The following PDE1C variants were observed in gnomAD, a reference collection of about 807,000 sequenced individuals.
PDE1C encodes the protein phosphodiesterase 1C, also known as dual specificity calcium/calmodulin-dependent 3',5'-cyclic nucleotide phosphodiesterase 1C.
A neutral mutation model predicts 93.1 loss-of-function variants in PDE1C; 62 were observed. That is an observed-to-expected ratio of 0.67 (90% confidence interval 0.54 to 0.82). The LOEUF is 0.82. Among genes scored for constraint, PDE1C ranks in the 40% least tolerant of loss-of-function variants. The pLI is 0.00. For synonymous variants in PDE1C, 325 were observed against 310.1 expected, an observed-to-expected ratio of 1.05 and a Z score of -0.50; for missense variants, 742 against 884.6, an observed-to-expected ratio of 0.84 and a Z score of 2.04.
chr7:32,383,754 CCTGA>C (rs1784575115), intron 1 of PDE1C, among the ~76,000 whole-genome samples: 1 of 152,120 alleles, frequency 6.6e-6, no homozygotes, highest in African/African-American at 2.4e-5. Flanking sequence ...AAATGACCAA[CCTGA>C]CTTTTACTCA....
chr7:31,636,039 G>T, the PDE1C span, among the ~76,000 whole-genome samples: 2 of 152,152 alleles, frequency 1.3e-5, no homozygotes, highest in Non-Finnish European at 2.9e-5. Flanking sequence ...CTTTTTCACA[G>T]GGCAGCAGGA....
chr7:31,694,501 A>T, the PDE1C span, among the ~76,000 whole-genome samples: 1 of 152,276 alleles, frequency 6.6e-6, no homozygotes, highest in South Asian at 2.1e-4. Context: ...CAGAACTAGA[A>T]AATGATAAGA....
chr7:31,676,098 G>A, the PDE1C span, among the ~76,000 whole-genome samples: 6 of 152,272 alleles, frequency 3.9e-5, no homozygotes, highest in South Asian at 6.2e-4. Flanking sequence ...CAGATGCTCC[G>A]CATGACGGTG....
chr7:32,194,631 A>G (rs1314379049), intron 2 of PDE1C, among the ~76,000 whole-genome samples: 1 of 152,086 alleles, frequency 6.6e-6, no homozygotes, highest in Non-Finnish European at 1.5e-5. Flanking sequence ...CCTTCAATTA[A>G]TGTTTGCATG....
the PDE1C span, among the ~76,000 whole-genome samples, chr7:31,715,245 CT>C: frequency 3.2e-3 from 464 of 146,806 alleles, no homozygotes; most frequent in African/African-American, 0.01. Context: ...GTAAAGGCCT[CT>C]TTTTTTTTTT....
intron 16 of PDE1C, among the ~76,000 whole-genome samples, chr7:31,782,217 A>C (rs895607176): frequency 4.6e-5 from 7 of 152,246 alleles, no homozygotes; most frequent in Admixed American, 2.0e-4. Flanking sequence ...GAAGTTAAAA[A>C]AACACTCACA....
At chr7:32,220,130 G>A (rs1806738555) in intron 1 of PDE1C, among the ~76,000 whole-genome samples, 1 of 151,442 alleles carries the variant, frequency 6.6e-6, no homozygotes, top group South Asian at 2.1e-4. Flanking sequence ...AAATTACCCA[G>A]TCTTGGGTAT....
chr7:31,991,033 T>C (rs1236895093), intron 2 of PDE1C, among the ~76,000 whole-genome samples: 2 of 152,198 alleles, frequency 1.3e-5, no homozygotes, highest in Non-Finnish European at 2.9e-5. Flanking sequence ...GGAACACTAA[T>C]GGAAACATTT....
intron 11 of PDE1C, among the ~76,000 whole-genome samples, chr7:31,832,698 A>G (rs570400578): frequency 6.6e-6 from 1 of 152,334 alleles, no homozygotes; most frequent in East Asian, 1.9e-4. Flanking sequence ...ACTAAAAAAT[A>G]GTTCCAGTCC....
intron 1 of PDE1C, among the ~76,000 whole-genome samples, chr7:32,266,398 G>A (rs559835831): frequency 1.1e-4 from 17 of 151,786 alleles, no homozygotes; most frequent in Admixed American, 4.6e-4. Context: ...CTAGTCGGGA[G>A]GCTGAGGCAG....
chr7:32,084,646 A>G (rs1229454190), intron 3 of PDE1C, among the ~76,000 whole-genome samples: 5 of 151,354 alleles, frequency 3.3e-5, no homozygotes, highest in Non-Finnish European at 5.9e-5. Context: ...AATTATAACA[A>G]ACTGTCTCTC....
chr7:32,368,967 C>A (rs1056079526), intron 1 of PDE1C, among the ~76,000 whole-genome samples: 4 of 152,194 alleles, frequency 2.6e-5, no homozygotes, highest in Middle Eastern at 3.4e-3. Flanking sequence ...ACTAGACCCC[C>A]ATATGTCATC....
intron 1 of PDE1C, among the ~76,000 whole-genome samples, chr7:32,392,485 C>A (rs1784768846): frequency 2.0e-5 from 3 of 151,980 alleles, no homozygotes; most frequent in Admixed American, 2.0e-4. Flanking sequence ...AAAGATATCA[C>A]AAGAAAAGAA....
Position 31,996,916 on chromosome 7 carries a change from A to G in PDE1C, c.128+54638T>C, listed in dbSNP as rs74353717. Reference sequence around the variant, plus strand: ...TCAGAGATGAGAATTACTGCAATTGAGCACTCAATCTGGCTCTGCAGTCAA... The same window carrying G: ...TCAGAGATGAGAATTACTGCAATTGGGCACTCAATCTGGCTCTGCAGTCAA... On this transcript the variant is annotated intron_variant, in intron 2 of 17. Transcript: ENST00000396191. Among the ~76,000 whole-genome samples, 102 of 152,302 alleles carry G rather than the reference A, an allele frequency of 6.7e-4. No homozygotes were observed. In the East Asian group the frequency reaches 0.016, roughly 24 times the overall value.
At chr7:31,630,297 A>G in the PDE1C span, among the ~76,000 whole-genome samples, 1 of 151,872 alleles carries the variant, frequency 6.6e-6, no homozygotes, top group Non-Finnish European at 1.5e-5. Context: ...ATACTACCAA[A>G]TATTGAGTGC....
chr7:32,099,927 GC>G (rs757663086), intron 3 of PDE1C, among the ~76,000 whole-genome samples: 1 of 151,922 alleles, frequency 6.6e-6, no homozygotes, highest in African/African-American at 2.4e-5. Flanking sequence ...ACTTTCCCAT[GC>G]CCCCACCCCT....
chr7:32,063,439 A>T (rs746084423), intron 1 of PDE1C, among the ~76,000 whole-genome samples: 27 of 152,226 alleles, frequency 1.8e-4, no homozygotes, highest in Non-Finnish European at 3.7e-4. Context: ...TAGAGATGGT[A>T]ATGCAGAAAC....
the PDE1C span, among the ~76,000 whole-genome samples, chr7:31,730,763 G>A: frequency 2.0e-5 from 3 of 151,898 alleles, no homozygotes; most frequent in Non-Finnish European, 2.9e-5. Flanking sequence ...GCTATGCATC[G>A]GAGACACAGA....
chr7:31,825,012 G>C (rs1466010304), intron 12 of PDE1C, 25 bp from the exon 13 acceptor site: 4 of 1,612,660 alleles, frequency 2.5e-6, no homozygotes, highest in Non-Finnish European at 3.4e-6. Context: ...CAATGCTTCA[G>C]AGGAACCACA....
Sources: gnomAD v4.1 joint callset for allele counts (sites outside exome capture counted in the v4.1 genomes callset) on GRCh38, gnomAD v4.1.1 for gene constraint, MANE v1.5 for transcripts, NCBI Gene and HGNC (gene_info 2026-07-23, HGNC 2026-07-21) for gene names.